The following FAM234A variants were observed in gnomAD, a reference collection of about 807,000 sequenced individuals.
The protein encoded by FAM234A is protein FAM234A.
Under a neutral mutation model 49.1 loss-of-function variants are expected in FAM234A, and 42 were observed. The observed-to-expected ratio is 0.86, with a 90% CI of 0.67 to 1.11. The LOEUF (loss-of-function observed/expected upper bound fraction) is 1.11. Ranked by LOEUF, FAM234A falls within the 50% of genes least tolerant of loss-of-function variation. The probability of loss-of-function intolerance (pLI) is 0.00; values close to 1 mark genes in which losing one functional copy is unlikely to be tolerated. For synonymous variants in FAM234A, 369 were observed against 316.2 expected, an observed-to-expected ratio of 1.17 and a Z score of -1.77; for missense variants, 815 against 745.2, an observed-to-expected ratio of 1.09 and a Z score of -1.09.
intron 11 of FAM234A, 92 bp downstream of exon 11, chr16:264,263 G>A: frequency 7.6e-7 from 1 of 1,308,790 alleles, no homozygotes; most frequent in Middle Eastern, 2.5e-4. Context: ...AAGCTCATCG[G>A]TGCCTGGGCA....
Position 264,180 on chromosome 16 carries a change from G to C in FAM234A, c.1344+9G>C, listed in dbSNP as rs948326784. The C allele has an allele frequency of 6.3e-7, 1 of 1,590,474 alleles. No homozygotes were observed. Among genetic ancestry groups the C allele is most frequent in the African/African-American group, 1.3e-5 (1 of 74,740 alleles). ...GGAGCACCAGCGAGACGGTACGGGAGCCACCCTCGGAGCAGCCATGCTGGG... is the reference window on the plus strand; with the variant it reads ...GGAGCACCAGCGAGACGGTACGGGACCCACCCTCGGAGCAGCCATGCTGGG... On this transcript the variant is annotated intron_variant, in intron 11 of 12. Coordinates refer to ENST00000399932, the MANE Select transcript of FAM234A (RefSeq NM_032039.4).
In FAM234A at chr16:238,765, CAAAAAAAAAAA is replaced by C. The variant is rs34366851; in HGVS notation, c.-140+3919_-140+3929del. Among the ~76,000 whole-genome samples the C allele has an allele frequency of 6.1e-4, 23 of 37,900 alleles. No homozygotes were observed. In the East Asian group the frequency reaches 9.8e-3, roughly 16 times the overall value. 24.9% of individuals were successfully genotyped at this position (37,900 alleles called of 152,430 possible). On this transcript the variant is annotated intron_variant, in intron 1 of 12. Transcript: ENST00000399932. Reference sequence around the variant, plus strand: ...TGGGCGACAGAGTGAGACTCCGTCTCAAAAAAAAAAAAAAAAAAAAAGAAAAAAAAAATCCC... The same window carrying C: ...TGGGCGACAGAGTGAGACTCCGTCTCAAAAAAAAAAGAAAAAAAAAATCCC...
chr16:264,738 G>A, intron 12 of FAM234A, 22 bp downstream of exon 12: 3 of 1,608,736 alleles, frequency 1.9e-6, no homozygotes, highest in African/African-American at 1.3e-5. Flanking sequence ...CTCGGCCAGG[G>A]ACCCGGGTGT....
intron 1 of FAM234A, among the ~76,000 whole-genome samples, chr16:238,894 C>G (rs775527637): frequency 7.6e-5 from 11 of 145,154 alleles, no homozygotes; most frequent in Non-Finnish European, 1.6e-4. Context: ...ACTATCCTGG[C>G]TAACATGGTG....
Position 264,085 on chromosome 16 carries a change from C to T in FAM234A, c.1258C>T (p.Pro420Ser), listed in dbSNP as rs2051594674. The change falls in exon 11 of 13, where the codon CCA becomes TCA. Residue 420 changes from proline to serine, a missense_variant. Physicochemically the swap from Pro to Ser is moderately conservative, Grantham distance 74. Coordinates refer to ENST00000399932, the MANE Select transcript of FAM234A (RefSeq NM_032039.4). ...SLALPSLPGG[P>S]LSASLPTADH... ...AGCCCTCCCGAGCCTCCCTGGGGGT[C>T]CACTGTCCGCCAGCCTGCCGACCGC... is the stretch of plus-strand genomic sequence containing the variant. 1 of 1,612,624 alleles carries T rather than the reference C, an allele frequency of 6.2e-7. No homozygotes were observed. Among genetic ancestry groups the T allele is most frequent in the Non-Finnish European group, 8.5e-7 (1 of 1,179,950 alleles).
At chr16:241,008 C>A (rs982456496) in intron 1 of FAM234A, among the ~76,000 whole-genome samples, 9 of 151,934 alleles carry the variant, frequency 5.9e-5, no homozygotes, top group Non-Finnish European at 1.3e-4. Context: ...GTGTGATCTC[C>A]GCTCACCTCC....
rs750610509 is a variant in FAM234A at position 260,060 on chromosome 16, C to T, written c.477C>T (p.Leu159=). The part of the protein sequence containing the change: ...WERPVAQDVA[L]VECAVPQPRG... ...GACCTGTGGCCCAAGACGTGGCCCTCGTGGAGTGTGCTGTGCCCCAGCCAA... is the reference window on the plus strand; with the variant it reads ...GACCTGTGGCCCAAGACGTGGCCCTTGTGGAGTGTGCTGTGCCCCAGCCAA... Residue 159 remains leucine (L), a synonymous_variant, in exon 5 of 13, where the codon CTC becomes CTT. Coordinates refer to ENST00000399932, the MANE Select transcript of FAM234A (RefSeq NM_032039.4). 5 of 1,613,638 alleles carry T rather than the reference C, an allele frequency of 3.1e-6. No homozygotes were observed. The African/African-American group carries it at 4.0e-5, about 13-fold the overall frequency.
intron 1 of FAM234A, among the ~76,000 whole-genome samples, chr16:238,038 A>C (rs1002388583): frequency 2.0e-5 from 3 of 151,196 alleles, no homozygotes; most frequent in Non-Finnish European, 4.4e-5. Context: ...ATTTATTTTG[A>C]GATGGATTCT....
In FAM234A at chr16:265,602, A is replaced by G; in HGVS notation, c.*580A>G. On this transcript the variant is annotated 3_prime_UTR_variant, in exon 13 of 13. Coordinates refer to ENST00000399932, the MANE Select transcript of FAM234A (RefSeq NM_032039.4). ...CGGAGCTACAGGGGGATCCTCTAGCATGGGGGGTGTGACTTGGTTCCTTTG... is the reference window on the plus strand; with the variant it reads ...CGGAGCTACAGGGGGATCCTCTAGCGTGGGGGGTGTGACTTGGTTCCTTTG... 1 of 985,688 alleles carries G rather than the reference A, an allele frequency of 1.0e-6. No homozygotes were observed. The highest frequency in any genetic ancestry group is 4.7e-5 in the South Asian group (1 of 21,282). The allele number at this position is 985,688 out of a possible 1,614,324, so 61.1% of individuals were successfully genotyped here. A position where few individuals can be genotyped will look rare whatever the true frequency, so the allele number is the denominator to read the frequency against.
intron 2 of FAM234A, among the ~76,000 whole-genome samples, chr16:251,752 C>A (rs1209690306): frequency 7.1e-6 from 1 of 140,950 alleles, no homozygotes; most frequent in Non-Finnish European, 1.5e-5. Flanking sequence ...GCCTGTAATC[C>A]CAGCAGTTTG....
chr16:238,194 T>G (rs986373257), intron 1 of FAM234A, among the ~76,000 whole-genome samples: 6 of 152,062 alleles, frequency 3.9e-5, no homozygotes, highest in Non-Finnish European at 2.9e-5. Flanking sequence ...AATTTTTGTG[T>G]TTTTGGTAGA....
At chr16:262,650 C>A in intron 8 of FAM234A, 97 bp downstream of exon 8, 1 of 1,293,362 alleles carries the variant, frequency 7.7e-7, no homozygotes, top group Non-Finnish European at 1.0e-6. Flanking sequence ...GAGCCCAGAG[C>A]AGCCCCACCG....
In FAM234A at chr16:261,362, G is replaced by A. The variant is rs141071695; in HGVS notation, c.578-22G>A. On this transcript the variant is annotated intron_variant, in intron 5 of 12. Transcript: ENST00000399932. ...TGAAGGGGACTCAGGGCCACGTTCCGTGACCGTGTGCTTGATTCTAGGGGA... is the reference window on the plus strand; with the variant it reads ...TGAAGGGGACTCAGGGCCACGTTCCATGACCGTGTGCTTGATTCTAGGGGA... 804 of 1,599,946 alleles carry A rather than the reference G, an allele frequency of 5.0e-4. 19 individuals are homozygous for A. The East Asian group carries it at 0.018, about 35-fold the overall frequency.
chr16:242,258 G>C (rs150017967), intron 1 of FAM234A, among the ~76,000 whole-genome samples: 1 of 152,008 alleles, frequency 6.6e-6, no homozygotes, highest in Non-Finnish European at 1.5e-5. Context: ...TCTATCACCC[G>C]GGCTGGAGTG....
At chr16:253,958 C>T (rs961146779) in intron 2 of FAM234A, 2 of 179,090 alleles carry the variant, frequency 1.1e-5, no homozygotes, top group African/African-American at 2.4e-5. Context: ...CTGTGGCCCT[C>T]CAGGGAGTCC....
downstream of FAM234A, chr16:268,950 G>T: frequency 6.5e-7 from 1 of 1,550,140 alleles, no homozygotes; most frequent in South Asian, 1.2e-5. Flanking sequence ...CCCAGTGCTG[G>T]ACTGAAGACC....
At chr16:261,982 G>A in intron 6 of FAM234A, 111 bp from the exon 7 acceptor site, 3 of 877,920 alleles carry the variant, frequency 3.4e-6, no homozygotes, top group Non-Finnish European at 4.4e-6. Flanking sequence ...TCTCTTCCTG[G>A]GCCTTGTGTC....
In FAM234A at chr16:258,408, C is replaced by T. The variant is rs957129097; in HGVS notation, c.269-1075C>T. ...CTGTTTAACAAAGCACATCTTGCAC[C>T]GCCCTTAATCCATTCAACCCTGAGT... is the stretch of plus-strand genomic sequence containing the variant. On this transcript the variant is annotated intron_variant, in intron 3 of 12. Transcript: ENST00000399932. Among the ~76,000 whole-genome samples, 4 of 151,948 alleles carry T rather than the reference C, an allele frequency of 2.6e-5. No homozygotes were observed. In the South Asian group the frequency reaches 8.3e-4, roughly 32 times the overall value.
rs1403258738 is a variant in FAM234A at position 264,709 on chromosome 16, C to T, written c.1440C>T (p.Ala480=). 4.3e-6 allele frequency: 7 copies of T among 1,611,380 alleles called. No individual in the cohort carries two copies. The highest frequency in any genetic ancestry group is 1.6e-4 in the Middle Eastern group (1 of 6,082). The change falls in exon 12 of 13, where the codon GCC becomes GCT. Residue 480 remains alanine, a synonymous_variant. Transcript: ENST00000399932. ...ELANVSTHIV[A]FDAVLFEPSR... is the part of the protein sequence containing the mutation. ...CCAATGTCTCTACCCACATTGTCGCCTTTGACGGTGAGTGTGGCCTCGGCC... is the reference window on the plus strand; with the variant it reads ...CCAATGTCTCTACCCACATTGTCGCTTTTGACGGTGAGTGTGGCCTCGGCC...
Sources: allele counts gnomAD v4.1 joint callset (sites outside exome capture counted in the v4.1 genomes callset), GRCh38; gene constraint gnomAD v4.1.1; transcripts MANE v1.5; gene names NCBI Gene and HGNC (gene_info 2026-07-23, HGNC 2026-07-21).